Variants in CDH13 observed in about 807,000 individuals in gnomAD.
CDH13 encodes cadherin 13, also known as cadherin-13.
CDH13 carries 24 observed loss-of-function variants against 63.8 expected under a neutral mutation model. The observed-to-expected ratio is 0.38, with a 90% CI of 0.27 to 0.53. The LOEUF (loss-of-function observed/expected upper bound fraction) is 0.53. Ranked by LOEUF, CDH13 falls within the 20% of genes least tolerant of loss-of-function variation. The pLI is 0.85. For synonymous variants in CDH13, 503 were observed against 355.3 expected, an observed-to-expected ratio of 1.42 and a Z score of -4.67; for missense variants, 1,049 against 903.1, an observed-to-expected ratio of 1.16 and a Z score of -2.07.
intron 4 of CDH13, among the ~76,000 whole-genome samples, chr16:83,170,723 A>G (rs909916144): frequency 3.3e-5 from 5 of 152,142 alleles, no homozygotes; most frequent in Non-Finnish European, 7.4e-5. Context: ...ATGCTTATTG[A>G]TGGAGTAAAA....
intron 7 of CDH13, among the ~76,000 whole-genome samples, chr16:83,496,531 A>G (rs578151818): frequency 6.6e-6 from 1 of 152,128 alleles, no homozygotes; most frequent in African/African-American, 2.4e-5. Context: ...AAAGACTTAA[A>G]CGTTAGACCT....
intron 1 of CDH13, among the ~76,000 whole-genome samples, chr16:82,843,695 A>T (rs1951747073): frequency 6.6e-6 from 1 of 152,258 alleles, no homozygotes; most frequent in Non-Finnish European, 1.5e-5. Context: ...TTCCCATGTG[A>T]TGACAAATCT....
intron 7 of CDH13, among the ~76,000 whole-genome samples, chr16:83,552,935 C>T (rs1007167067): frequency 2.6e-5 from 4 of 152,138 alleles, no homozygotes; most frequent in Admixed American, 6.5e-5. Context: ...AAAAATTAGC[C>T]GGGAGTGGTG....
chr16:83,125,039 AG>A (rs1441570987), intron 3 of CDH13, among the ~76,000 whole-genome samples: 1 of 152,254 alleles, frequency 6.6e-6, no homozygotes, highest in African/African-American at 2.4e-5. Context: ...TTTATATCTA[AG>A]CAAGTCCTCC....
intron 7 of CDH13, among the ~76,000 whole-genome samples, chr16:83,512,439 GGTGGGT>G (rs1402519950): frequency 1.3e-5 from 2 of 151,004 alleles, no homozygotes; most frequent in Non-Finnish European, 1.5e-5. Context: ...GGGAGGCCGA[GGTGGGT>G]GGATCACGAG....
At chr16:83,274,724 G>GC (rs137981120) in intron 5 of CDH13, among the ~76,000 whole-genome samples, 6,578 of 149,616 alleles carry the variant, frequency 0.044, 210 homozygotes, top group Admixed American at 0.082. Context: ...ACACCTGGTG[G>GC]CAGGGGGGGT....
chr16:83,035,758 C>T (rs984297822), intron 3 of CDH13, among the ~76,000 whole-genome samples: 8 of 152,112 alleles, frequency 5.3e-5, no homozygotes, highest in African/African-American at 1.4e-4. Flanking sequence ...CAGTCAATTG[C>T]TTTACCTCCT....
At chr16:82,727,191 G>T (rs1231598903) in intron 1 of CDH13, among the ~76,000 whole-genome samples, 1 of 152,012 alleles carries the variant, frequency 6.6e-6, no homozygotes, top group African/African-American at 2.4e-5. Flanking sequence ...TTATTTTTTT[G>T]GCATTTTCTT....
intron 6 of CDH13, among the ~76,000 whole-genome samples, chr16:83,475,383 A>G (rs1157085668): frequency 6.6e-6 from 1 of 152,194 alleles, no homozygotes; most frequent in African/African-American, 2.4e-5. Flanking sequence ...CTGCATGTTC[A>G]AGGTGGCCTG....
At chr16:82,700,391 T>C (rs1010486640) in intron 1 of CDH13, among the ~76,000 whole-genome samples, 1 of 152,228 alleles carries the variant, frequency 6.6e-6, no homozygotes, top group Non-Finnish European at 1.5e-5. Context: ...AGGAGATTTT[T>C]GAAAGTATCC....
At chr16:83,582,716 G>A (rs910581031) in intron 7 of CDH13, among the ~76,000 whole-genome samples, 13 of 152,136 alleles carry the variant, frequency 8.5e-5, no homozygotes, top group African/African-American at 2.9e-4. Flanking sequence ...GTGTGCTGAC[G>A]GCCAGTGGAA....
At chr16:82,658,881 T>A (rs1029932733) in intron 1 of CDH13, among the ~76,000 whole-genome samples, 1 of 152,216 alleles carries the variant, frequency 6.6e-6, no homozygotes, top group Non-Finnish European at 1.5e-5. Flanking sequence ...TAACTTTGAC[T>A]AGACACTTGA....
chr16:83,536,062 A>G (rs1192424279), intron 7 of CDH13, among the ~76,000 whole-genome samples: 1 of 152,192 alleles, frequency 6.6e-6, no homozygotes, highest in African/African-American at 2.4e-5. Flanking sequence ...TTCACCCAGG[A>G]CAACATTTGC....
intron 7 of CDH13, among the ~76,000 whole-genome samples, chr16:83,588,462 G>A (rs917265947): frequency 6.6e-6 from 1 of 152,196 alleles, no homozygotes. Flanking sequence ...TTTAGAATAA[G>A]TTCAACTTGT....
chr16:83,106,018 C>G (rs1262687697), intron 3 of CDH13, among the ~76,000 whole-genome samples: 3 of 152,202 alleles, frequency 2.0e-5, no homozygotes, highest in African/African-American at 7.2e-5. Context: ...TCCGCCTTCA[C>G]AAGATTAAAT....
At chr16:83,689,432 C>G (rs769798778) in intron 10 of CDH13, among the ~76,000 whole-genome samples, 4 of 152,184 alleles carry the variant, frequency 2.6e-5, no homozygotes, top group East Asian at 1.9e-4. Context: ...CTGAGTTTGT[C>G]TATCAATCAC....
At chr16:83,248,042 G>A (rs1905137686) in intron 5 of CDH13, among the ~76,000 whole-genome samples, 1 of 152,172 alleles carries the variant, frequency 6.6e-6, no homozygotes, top group Non-Finnish European at 1.5e-5. Context: ...TGAATCTGGA[G>A]GGGAAGATTC....
chr16:83,583,805 T>C, intron 7 of CDH13, among the ~76,000 whole-genome samples: 1 of 151,438 alleles, frequency 6.6e-6, no homozygotes, highest in Non-Finnish European at 1.5e-5. Context: ...TAGACCTAGC[T>C]ACTCCAGAAG....
intron 2 of CDH13, among the ~76,000 whole-genome samples, chr16:82,922,339 A>G (rs2042181594): frequency 6.6e-6 from 1 of 152,216 alleles, no homozygotes; most frequent in South Asian, 2.1e-4. Context: ...AAGGAAAGAC[A>G]CAGAATATAA....
Sources: allele counts gnomAD v4.1 joint callset (sites outside exome capture counted in the v4.1 genomes callset), GRCh38; gene constraint gnomAD v4.1.1; transcripts MANE v1.5; gene names NCBI Gene and HGNC (gene_info 2026-07-23, HGNC 2026-07-21).